PDE4B: variants seen among roughly 807,000 people sequenced by gnomAD.
The protein encoded by PDE4B is 3',5'-cyclic-AMP phosphodiesterase 4B.
PDE4B carries 20 observed loss-of-function variants against 82.2 expected under a neutral mutation model. That is an observed-to-expected ratio of 0.24 (90% confidence interval 0.17 to 0.35). The LOEUF is 0.35. PDE4B is among the 10% of genes least tolerant of loss of function. The pLI is 1.00. For synonymous variants in PDE4B, 320 were observed against 318.9 expected (o/e 1.00, Z -0.04); for missense variants, 655 against 907.2 (o/e 0.72, Z 3.57).
chr1:66,346,019 G>A (rs577424181), intron 8 of PDE4B, among the ~76,000 whole-genome samples: 17 of 152,252 alleles, frequency 1.1e-4, no homozygotes, highest in Non-Finnish European at 1.0e-4. Flanking sequence ...CAAAAAGTCT[G>A]CATCCTGTGG....
intron 3 of PDE4B, among the ~76,000 whole-genome samples, chr1:66,138,900 CA>C (rs1170112281): frequency 6.6e-6 from 1 of 152,172 alleles, no homozygotes; most frequent in East Asian, 1.9e-4. Context: ...ACTCCAAAAA[CA>C]CCTCTCCAAG....
At chr1:65,824,341 C>T (rs34061534) in intron 1 of PDE4B, among the ~76,000 whole-genome samples, 1,798 of 151,630 alleles carry the variant, frequency 0.012, 10 homozygotes, top group Non-Finnish European at 0.017. Context: ...ACCCTTAAGA[C>T]CATAGATACA....
intron 7 of PDE4B, among the ~76,000 whole-genome samples, chr1:66,278,697 T>A (rs1221757337): frequency 6.6e-6 from 1 of 152,246 alleles, no homozygotes; most frequent in Non-Finnish European, 1.5e-5. Context: ...GCTTTTCACA[T>A]ATTTGTAAGC....
At chr1:66,010,407 A>G (rs987308595) in intron 3 of PDE4B, among the ~76,000 whole-genome samples, 3 of 151,880 alleles carry the variant, frequency 2.0e-5, no homozygotes, top group Non-Finnish European at 4.4e-5. Context: ...AAGAAAACTT[A>G]AATTCATATT....
intron 3 of PDE4B, among the ~76,000 whole-genome samples, chr1:66,158,271 A>T (rs1646540470): frequency 6.6e-6 from 1 of 152,228 alleles, no homozygotes; most frequent in Non-Finnish European, 1.5e-5. Flanking sequence ...GTGAGGAGAT[A>T]ACCTATAGGA....
At chr1:66,240,412 C>A (rs12046056) in intron 3 of PDE4B, among the ~76,000 whole-genome samples, 24,044 of 152,136 alleles carry the variant, frequency 0.16, 3,462 homozygotes, top group East Asian at 0.37. Context: ...ACAAGTTTTA[C>A]CACTACCTGT....
At chr1:65,824,241 T>C (rs1426537550) in intron 1 of PDE4B, among the ~76,000 whole-genome samples, 1 of 152,194 alleles carries the variant, frequency 6.6e-6, no homozygotes, top group Non-Finnish European at 1.5e-5. Context: ...TCCTAGGGTA[T>C]CTTTCACATA....
chr1:66,293,123 C>T (rs368712275), intron 7 of PDE4B, among the ~76,000 whole-genome samples: 118 of 152,250 alleles, frequency 7.8e-4, no homozygotes, highest in African/African-American at 2.7e-3. Context: ...ACTAAAGCAT[C>T]ACAAAATGAC....
intron 3 of PDE4B, among the ~76,000 whole-genome samples, chr1:65,965,922 C>A (rs1423498236): frequency 6.6e-6 from 1 of 152,090 alleles, no homozygotes; most frequent in African/African-American, 2.4e-5. Flanking sequence ...CTATTTATGA[C>A]AAACCCACAT....
chr1:65,993,202 A>C, intron 3 of PDE4B: 1 of 1,258,256 alleles, frequency 7.9e-7, no homozygotes, highest in Non-Finnish European at 1.1e-6. Context: ...AGCACCAGTG[A>C]TCTAGCAGTG....
chr1:66,241,031 C>T (rs1218390631), intron 3 of PDE4B, among the ~76,000 whole-genome samples: 4 of 152,218 alleles, frequency 2.6e-5, no homozygotes, highest in Admixed American at 6.5e-5. Context: ...TTTTGGATTA[C>T]TGCCATGAAT....
intron 7 of PDE4B, among the ~76,000 whole-genome samples, chr1:66,291,841 A>G (rs1657106384): frequency 6.6e-6 from 1 of 152,208 alleles, no homozygotes; most frequent in African/African-American, 2.4e-5. Flanking sequence ...TTTAGTTTCA[A>G]TATCCGAGTA....
At chr1:66,029,518 A>T (rs536445687) in intron 3 of PDE4B, among the ~76,000 whole-genome samples, 2 of 152,346 alleles carry the variant, frequency 1.3e-5, no homozygotes, top group East Asian at 3.9e-4. Flanking sequence ...AAACTTTTTC[A>T]ATTTGTCATT....
At position 66,349,575 on chromosome 1, in the gene PDE4B, G is replaced by C. The variant is rs1661668311; in HGVS notation, c.748-5952G>C. Reference sequence around the variant, plus strand: ...ATTAAGCAGACGTTAATGGACAATTGCATGTCCATTATTACTTCTTTGACC... The same window carrying C: ...ATTAAGCAGACGTTAATGGACAATTCCATGTCCATTATTACTTCTTTGACC... On this transcript the variant is annotated intron_variant, in intron 8 of 16. Coordinates refer to ENST00000341517, the MANE Select transcript of PDE4B (RefSeq NM_002600.4). Among the ~76,000 whole-genome samples the C allele has an allele frequency of 6.6e-5, 10 of 152,242 alleles. No individual in the cohort carries two copies. In the South Asian group the frequency reaches 2.1e-3, roughly 32 times the overall value.
intron 3 of PDE4B, among the ~76,000 whole-genome samples, chr1:66,074,055 G>A (rs1272563034): frequency 1.3e-5 from 2 of 152,064 alleles, no homozygotes; most frequent in South Asian, 2.1e-4. Context: ...ACTGTAATTC[G>A]ATAGGTGGAT....
intron 3 of PDE4B, among the ~76,000 whole-genome samples, chr1:66,148,813 A>G (rs1396283089): frequency 6.6e-6 from 1 of 152,188 alleles, no homozygotes; most frequent in Non-Finnish European, 1.5e-5. Context: ...TTTAGGGTTT[A>G]TTCATGTAGC....
chr1:66,088,583 A>G (rs571414127), intron 3 of PDE4B, among the ~76,000 whole-genome samples: 4 of 152,218 alleles, frequency 2.6e-5, no homozygotes, highest in African/African-American at 9.6e-5. Context: ...GATCTACCCT[A>G]TGCTATACTT....
chr1:66,158,205 A>C (rs1646538767), intron 3 of PDE4B, among the ~76,000 whole-genome samples: 1 of 152,234 alleles, frequency 6.6e-6, no homozygotes, highest in South Asian at 2.1e-4. Context: ...CAGAGAAAAC[A>C]CAATGGTATT....
At chr1:65,985,180 T>C (rs1650892876) in intron 3 of PDE4B, among the ~76,000 whole-genome samples, 3 of 152,198 alleles carry the variant, frequency 2.0e-5, no homozygotes, top group Admixed American at 6.5e-5. Context: ...TGTACCCTTA[T>C]AAGGCTCATA....
Sources: gnomAD v4.1 joint callset for allele counts (sites outside exome capture counted in the v4.1 genomes callset) on GRCh38, gnomAD v4.1.1 for gene constraint, MANE v1.5 for transcripts, NCBI Gene and HGNC (gene_info 2026-07-23, HGNC 2026-07-21) for gene names.